MARCHF8: variants seen among roughly 807,000 people sequenced by gnomAD.
MARCHF8 encodes the protein membrane associated ring-CH-type finger 8.
In MARCHF8, 40 loss-of-function variants were observed where a neutral mutation model predicts 51.6. The observed-to-expected ratio is 0.77, with a 90% CI of 0.60 to 1.01. The LOEUF is 1.01. Among genes scored for constraint, MARCHF8 ranks in the 50% least tolerant of loss-of-function variants. The probability of loss-of-function intolerance (pLI) is 0.00; values close to 1 mark genes in which losing one functional copy is unlikely to be tolerated. For missense variants in MARCHF8, 685 were observed against 708.6 expected, an observed-to-expected ratio of 0.97 and a Z score of 0.38; for synonymous variants, 263 against 280.3, an observed-to-expected ratio of 0.94 and a Z score of 0.62.
intron 3 of MARCHF8, among the ~76,000 whole-genome samples, chr10:45,465,638 A>G (rs778799393): frequency 3.9e-5 from 6 of 152,230 alleles, no homozygotes; most frequent in Admixed American, 2.6e-4. Context: ...TAAGGCACCC[A>G]TCGCATGGCT....
Position 45,463,529 on chromosome 10 carries a change from C to A in MARCHF8, c.710G>T (p.Gly237Val). ...CTCTTCCAGCAGCAGGCCGGGCCTGCCCCCCTTGCCAGCTTCCACCTCTGA... is the reference window on the plus strand; with the variant it reads ...CTCTTCCAGCAGCAGGCCGGGCCTGACCCCCTTGCCAGCTTCCACCTCTGA... ...TASEVEAGKG[G>V]RPGLLLEEKA... is the part of the protein sequence containing the mutation. Residue 237 changes from glycine (G) to valine (V), a missense_variant, in exon 5 of 8, where the codon GGC (glycine) becomes GTC (valine). Physicochemically the swap from Gly to Val is moderately radical, Grantham distance 109. Transcript: ENST00000453424. The A allele has an allele frequency of 3.2e-6, 5 of 1,550,616 alleles. No homozygotes were observed. Among genetic ancestry groups the A allele is most frequent in the Admixed American group, 2.0e-5 (1 of 51,006 alleles).
At chr10:45,536,144 G>T (rs1468042493), upstream of MARCHF8, among the ~76,000 whole-genome samples, 1 of 152,128 alleles carries the variant, frequency 6.6e-6, no homozygotes, top group Non-Finnish European at 1.5e-5. Flanking sequence ...CACATTTCCA[G>T]ATTGCAAAAC....
intron 1 of MARCHF8, among the ~76,000 whole-genome samples, chr10:45,580,450 C>T (rs1378441588): frequency 6.6e-6 from 1 of 152,186 alleles, no homozygotes; most frequent in African/African-American, 2.4e-5. Flanking sequence ...ACTACCACCG[C>T]TTACATGATG....
chr10:45,495,223 A>G (rs1452344424), intron 2 of MARCHF8, among the ~76,000 whole-genome samples: 1 of 152,172 alleles, frequency 6.6e-6, no homozygotes, highest in East Asian at 1.9e-4. Context: ...TAAAACTGAC[A>G]GCGTAAAAAC....
At position 45,533,217 on chromosome 10, in the gene MARCHF8, C is replaced by T. The variant is rs371554606; in HGVS notation, c.-6G>A. The T allele has an allele frequency of 4.6e-5, 73 of 1,600,806 alleles. No homozygotes were observed. In the African/African-American group the frequency reaches 9.7e-4, roughly 21 times the overall value. On this transcript the variant is annotated 5_prime_UTR_variant, in exon 2 of 8. Transcript: ENST00000453424. ...TGATGCAGTGGCATGCTCATCCCAACCTCTTATCTGGTCGTCTTCTTCACA... is the reference window on the plus strand; with the variant it reads ...TGATGCAGTGGCATGCTCATCCCAATCTCTTATCTGGTCGTCTTCTTCACA...
At chr10:45,578,142 A>G (rs2044510796) in intron 1 of MARCHF8, among the ~76,000 whole-genome samples, 1 of 152,200 alleles carries the variant, frequency 6.6e-6, no homozygotes, top group South Asian at 2.1e-4. Flanking sequence ...ATCAGTCACA[A>G]TAAGCACATC....
chr10:45,484,951 G>C (rs1403205522), intron 3 of MARCHF8, among the ~76,000 whole-genome samples: 1 of 151,132 alleles, frequency 6.6e-6, no homozygotes, highest in African/African-American at 2.4e-5. Flanking sequence ...ATTGAAAAGA[G>C]AAGCATTAGG....
At chr10:45,575,014 A>AAT (rs1001481390) in intron 1 of MARCHF8, among the ~76,000 whole-genome samples, 1 of 152,068 alleles carries the variant, frequency 6.6e-6, no homozygotes, top group African/African-American at 2.4e-5. Flanking sequence ...CTCCATCACT[A>AAT]ATACCTCTTT....
chr10:45,499,350 T>C (rs2043234466), intron 2 of MARCHF8, among the ~76,000 whole-genome samples: 1 of 152,206 alleles, frequency 6.6e-6, no homozygotes, highest in Non-Finnish European at 1.5e-5. Flanking sequence ...CTTTATCAGA[T>C]ATATGATTTG....
In MARCHF8 at chr10:45,463,619, T is replaced by G; in HGVS notation, c.620A>C (p.His207Pro). 6.4e-7 allele frequency: 1 copy of G among 1,550,666 alleles called. No individual in the cohort carries two copies. Among genetic ancestry groups the G allele is most frequent in the South Asian group, 1.2e-5 (1 of 84,068 alleles). Reference protein sequence around the residue: ...FHHKEKRTLNHKPLGNSKHSC... With the variant: ...FHHKEKRTLNPKPLGNSKHSC... ...ATGTTTGGAATTGCCAAGAGGTTTG[T>G]GGTTCAGGGTTCTTTTTTCTTTATG... The change falls in exon 5 of 8, where the codon CAC becomes CCC. Residue 207 changes from histidine (H) to proline (P), a missense_variant. Transcript: ENST00000453424.
chr10:45,528,683 A>G (rs1290157549), intron 2 of MARCHF8, among the ~76,000 whole-genome samples: 1 of 152,200 alleles, frequency 6.6e-6, no homozygotes, highest in East Asian at 1.9e-4. Flanking sequence ...CAACAATGAT[A>G]TAATCAAGCT....
chr10:45,533,577 C>G (rs1204915801), intron 1 of MARCHF8, among the ~76,000 whole-genome samples: 1 of 152,030 alleles, frequency 6.6e-6, no homozygotes, highest in Non-Finnish European at 1.5e-5. Flanking sequence ...GCAGTGCCAC[C>G]ATTTATTTTA....
chr10:45,552,316 A>G (rs1589170909), intron 1 of MARCHF8, among the ~76,000 whole-genome samples: 1 of 152,264 alleles, frequency 6.6e-6, no homozygotes, highest in East Asian at 1.9e-4. Context: ...ATTTAAAAAA[A>G]AAAAAAAACA....
chr10:45,571,524 G>GT (rs2044429084), intron 1 of MARCHF8, among the ~76,000 whole-genome samples: 1 of 151,876 alleles, frequency 6.6e-6, no homozygotes, highest in Admixed American at 6.6e-5. Flanking sequence ...AAGCTTTATT[G>GT]CTCACACAAA....
At chr10:45,531,230 C>G (rs2043879438) in intron 2 of MARCHF8, among the ~76,000 whole-genome samples, 1 of 152,092 alleles carries the variant, frequency 6.6e-6, no homozygotes, top group African/African-American at 2.4e-5. Context: ...GCTCCAAATT[C>G]TATGAAAATT....
At chr10:45,534,791 C>T (rs772784847) in intron 1 of MARCHF8, among the ~76,000 whole-genome samples, 1 of 152,050 alleles carries the variant, frequency 6.6e-6, no homozygotes, top group Non-Finnish European at 1.5e-5. Context: ...ACTTACTCTA[C>T]CTCTCCCCAA....
chr10:45,588,251 C>T (rs763983109), intron 1 of MARCHF8, among the ~76,000 whole-genome samples: 1 of 151,242 alleles, frequency 6.6e-6, no homozygotes, highest in African/African-American at 2.4e-5. Flanking sequence ...CTTATCCATA[C>T]AGTCATACAA....
At chr10:45,591,372 G>A (rs1227852552) in intron 1 of MARCHF8, among the ~76,000 whole-genome samples, 2 of 152,112 alleles carry the variant, frequency 1.3e-5, no homozygotes, top group African/African-American at 4.8e-5. Flanking sequence ...GGTTGAGGCA[G>A]GAGAATTGCT....
intron 3 of MARCHF8, among the ~76,000 whole-genome samples, chr10:45,483,328 C>T (rs536123596): frequency 8.5e-4 from 129 of 152,264 alleles, no homozygotes; most frequent in African/African-American, 2.9e-3. Flanking sequence ...GGGCAAAGGA[C>T]ATGACTAGAC....
Sources: gnomAD v4.1 joint callset for allele counts (sites outside exome capture counted in the v4.1 genomes callset) on GRCh38, gnomAD v4.1.1 for gene constraint, MANE v1.5 for transcripts, NCBI Gene and HGNC (gene_info 2026-07-23, HGNC 2026-07-21) for gene names.